SUPT3H: variants seen among roughly 807,000 people sequenced by gnomAD.
SUPT3H encodes SPT3 homolog, SAGA and STAGA complex component.
In SUPT3H, 44 loss-of-function variants were observed where a neutral mutation model predicts 44.3. The ratio of observed to expected loss-of-function variants is 0.99; its 90% CI spans 0.78 to 1.28. The LOEUF (loss-of-function observed/expected upper bound fraction) is 1.28, where lower values mean the gene tolerates loss of function less well. Among genes scored for constraint, SUPT3H ranks in the 50% most tolerant of loss-of-function variants. The pLI, the probability that SUPT3H is intolerant of heterozygous loss-of-function variation, is 0.00. For synonymous variants in SUPT3H, 124 were observed against 125.6 expected (o/e 0.99, Z 0.09); for missense variants, 380 against 387.1 (o/e 0.98, Z 0.15).
At chr6:45,333,129 T>G (rs189573216) in intron 2 of SUPT3H, among the ~76,000 whole-genome samples, 1 of 151,776 alleles carries the variant, frequency 6.6e-6, no homozygotes, top group African/African-American at 2.4e-5. Context: ...AACAAATCTT[T>G]AAAAGAAGTC....
At chr6:45,172,554 A>G (rs1035127977) in intron 2 of SUPT3H, among the ~76,000 whole-genome samples, 3 of 151,130 alleles carry the variant, frequency 2.0e-5, no homozygotes, top group African/African-American at 7.3e-5. Flanking sequence ...TGAAAACAGG[A>G]AAAAAAAAGT....
chr6:44,870,778 C>G (rs889447072), intron 10 of SUPT3H, among the ~76,000 whole-genome samples: 1 of 150,654 alleles, frequency 6.6e-6, no homozygotes, highest in Non-Finnish European at 1.5e-5. Flanking sequence ...TGGGCGCAGG[C>G]CAGTGTGTGC....
intron 2 of SUPT3H, among the ~76,000 whole-genome samples, chr6:45,326,725 T>C (rs1786405135): frequency 6.6e-6 from 1 of 151,996 alleles, no homozygotes; most frequent in African/African-American, 2.4e-5. Flanking sequence ...ACAGTTATTG[T>C]GATCTAATAT....
At chr6:44,851,458 C>A (rs1772869810) in intron 10 of SUPT3H, among the ~76,000 whole-genome samples, 1 of 152,124 alleles carries the variant, frequency 6.6e-6, no homozygotes, top group Non-Finnish European at 1.5e-5. Context: ...ATAAATCCAA[C>A]TTCAGATTGA....
intron 10 of SUPT3H, among the ~76,000 whole-genome samples, chr6:44,928,882 C>CA (rs35656937): frequency 0.024 from 499 of 20,620 alleles, 53 homozygotes; most frequent in Non-Finnish European, 0.032. Context: ...GACTCCGTCT[C>CA]AAAAAAAAAA....
intron 3 of SUPT3H, among the ~76,000 whole-genome samples, chr6:45,088,621 C>T (rs1441840060): frequency 6.6e-6 from 1 of 151,986 alleles, no homozygotes; most frequent in Non-Finnish European, 1.5e-5. Context: ...AAAAACATTC[C>T]AGTCTACAAG....
chr6:45,223,257 T>C (rs982890979), intron 2 of SUPT3H, among the ~76,000 whole-genome samples: 21 of 152,232 alleles, frequency 1.4e-4, no homozygotes, highest in African/African-American at 5.1e-4. Flanking sequence ...ATTCTAATTT[T>C]AATAGTGTAC....
chr6:45,301,472 T>C (rs538896623), intron 2 of SUPT3H, among the ~76,000 whole-genome samples: 3 of 152,286 alleles, frequency 2.0e-5, no homozygotes, highest in Admixed American at 1.3e-4. Context: ...TTGTTTTGGG[T>C]CTTTTTGGTG....
At chr6:44,983,454 T>G (rs1401399653) in intron 6 of SUPT3H, among the ~76,000 whole-genome samples, 1 of 152,182 alleles carries the variant, frequency 6.6e-6, no homozygotes, top group Non-Finnish European at 1.5e-5. Context: ...TACCTTTACA[T>G]ATTCTTTGAG....
chr6:45,350,572 G>A (rs1563002050), intron 2 of SUPT3H, among the ~76,000 whole-genome samples: 1 of 152,148 alleles, frequency 6.6e-6, no homozygotes, highest in Non-Finnish European at 1.5e-5. Flanking sequence ...TAGACTAAAT[G>A]TTGAGAGTAG....
chr6:45,136,063 T>C (rs576170319), intron 2 of SUPT3H, among the ~76,000 whole-genome samples: 226 of 152,094 alleles, frequency 1.5e-3, no homozygotes, highest in African/African-American at 5.2e-3. Context: ...CAATGGAAAA[T>C]AAGAGCCATG....
intron 6 of SUPT3H, among the ~76,000 whole-genome samples, chr6:44,985,577 T>A (rs1206593223): frequency 1.3e-5 from 2 of 152,176 alleles, no homozygotes; most frequent in Admixed American, 6.6e-5. Flanking sequence ...CACCTGGACA[T>A]ACTCAGTTTA....
At chr6:45,245,802 G>T (rs1771236335) in intron 2 of SUPT3H, among the ~76,000 whole-genome samples, 1 of 152,080 alleles carries the variant, frequency 6.6e-6, no homozygotes, top group Admixed American at 6.5e-5. Context: ...TATATAACCA[G>T]AAATACAATA....
intron 10 of SUPT3H, among the ~76,000 whole-genome samples, chr6:44,885,540 C>T (rs544030808): frequency 6.6e-6 from 1 of 152,188 alleles, no homozygotes; most frequent in South Asian, 2.1e-4. Flanking sequence ...CTCCAACAGA[C>T]CTGCAGCTAA....
At chr6:45,032,889 G>A (rs954661482) in intron 3 of SUPT3H, among the ~76,000 whole-genome samples, 1 of 152,122 alleles carries the variant, frequency 6.6e-6, no homozygotes, top group South Asian at 2.1e-4. Context: ...ATGTGTGTTA[G>A]AATGAGCTAA....
chr6:45,317,957 T>G (rs1784947705), intron 2 of SUPT3H, among the ~76,000 whole-genome samples: 1 of 152,120 alleles, frequency 6.6e-6, no homozygotes, highest in Admixed American at 6.6e-5. Context: ...AAGGGGTTAA[T>G]ATCTAAAATA....
chr6:45,246,271 T>G (rs1446118296), intron 2 of SUPT3H, among the ~76,000 whole-genome samples: 2 of 152,170 alleles, frequency 1.3e-5, no homozygotes, highest in Admixed American at 1.3e-4. Context: ...ACTTTTAAAT[T>G]TTAATGATGT....
chr6:44,811,777 C>T (rs1239744142), intron 11 of SUPT3H, among the ~76,000 whole-genome samples: 1 of 152,194 alleles, frequency 6.6e-6, no homozygotes, highest in African/African-American at 2.4e-5. Context: ...GCATGGCTTC[C>T]TGCATACCTT....
intron 2 of SUPT3H, among the ~76,000 whole-genome samples, chr6:45,140,539 C>T (rs1345129137): frequency 6.6e-6 from 1 of 152,166 alleles, no homozygotes; most frequent in East Asian, 1.9e-4. Flanking sequence ...CCCTGCCTAA[C>T]CAAAGGTCCT....
Sources: gnomAD v4.1 joint callset for allele counts (sites outside exome capture counted in the v4.1 genomes callset) on GRCh38, gnomAD v4.1.1 for gene constraint, MANE v1.5 for transcripts, NCBI Gene and HGNC (gene_info 2026-07-23, HGNC 2026-07-21) for gene names.